RRAGB: variants seen among roughly 807,000 people sequenced by gnomAD.
The protein encoded by RRAGB is ras-related GTP-binding protein B.
In RRAGB, 6 loss-of-function variants were observed where a neutral mutation model predicts 29.3. That is an observed-to-expected ratio of 0.21 (90% CI 0.11 to 0.40). The LOEUF (loss-of-function observed/expected upper bound fraction) is 0.40. Among genes scored for constraint, RRAGB ranks in the 10% least tolerant of loss-of-function variants. RRAGB has a pLI of 1.00. For synonymous variants in RRAGB, 101 were observed against 92.5 expected, an observed-to-expected ratio of 1.09 and a Z score of -0.53; for missense variants, 184 against 272.9, an observed-to-expected ratio of 0.67 and a Z score of 2.29.
chrX:55,722,973 G>A lies in RRAGB; in HGVS notation c.226+688G>A, dbSNP rs191781763. Among the ~76,000 whole-genome samples the A allele has an allele frequency of 3.3e-3, 369 of 110,594 alleles. 3 individuals are homozygous for A. The highest frequency in any genetic ancestry group is 0.012 in the African/African-American group (358 of 30,340). ...CTTGGTCCTTGATTTTTAGGGAAAG[G>A]CCACCCACTACTCTACACATTTCCT... On this transcript the variant is annotated intron_variant, in intron 3 of 9. Coordinates refer to ENST00000374941, the MANE Select transcript of RRAGB (RefSeq NM_006064.5).
At chrX:55,729,065 A>G (rs777314201) in intron 3 of RRAGB, among the ~76,000 whole-genome samples, 6 of 111,171 alleles carry the variant, frequency 5.4e-5, no homozygotes, top group Non-Finnish European at 1.1e-4. Context: ...GTATTAAACT[A>G]CTAAAAAGTG....
chrX:55,720,089 C>T (rs966644607), intron 2 of RRAGB, among the ~76,000 whole-genome samples: 6 of 111,956 alleles, frequency 5.4e-5, no homozygotes, highest in South Asian at 7.4e-4. Context: ...AATTAATAAC[C>T]GAAGGAAATG....
intron 5 of RRAGB, among the ~76,000 whole-genome samples, chrX:55,733,658 T>G (rs967151389): frequency 1.8e-5 from 2 of 112,700 alleles, no homozygotes; most frequent in Non-Finnish European, 3.8e-5. Context: ...GAAGCCCACT[T>G]GATCTTGGTG....
At chrX:55,722,401 C>T in intron 3 of RRAGB, 116 bp downstream of exon 3, 1 of 421,395 alleles carries the variant, frequency 2.4e-6, no homozygotes, top group Non-Finnish European at 4.1e-6. Context: ...TGTTATGGAG[C>T]ATGTTTACCC....
At chrX:55,755,573 G>A (rs1474204527) in intron 7 of RRAGB, 8 of 742,849 alleles carry the variant, frequency 1.1e-5, no homozygotes, top group African/African-American at 2.3e-5. Flanking sequence ...AGTGATTAAA[G>A]TTAGAAAAAA....
At chrX:55,740,338 A>G (rs1479556567) in intron 5 of RRAGB, among the ~76,000 whole-genome samples, 2 of 111,166 alleles carry the variant, frequency 1.8e-5, no homozygotes, top group East Asian at 2.8e-4. Flanking sequence ...AAAAAAAATC[A>G]TTGTGATTTT....
At chrX:55,725,962 A>G (rs1310976235) in intron 3 of RRAGB, among the ~76,000 whole-genome samples, 1 of 110,973 alleles carries the variant, frequency 9.0e-6, no homozygotes, top group Non-Finnish European at 1.9e-5. Flanking sequence ...TCTTGTGATA[A>G]TAGGGTAGGA....
chrX:55,752,565 A>G (rs1002777117), intron 6 of RRAGB, among the ~76,000 whole-genome samples: 1 of 112,009 alleles, frequency 8.9e-6, no homozygotes, highest in Non-Finnish European at 1.9e-5. Context: ...TTCAACAAGC[A>G]CTCTTTACAT....
intron 5 of RRAGB, among the ~76,000 whole-genome samples, chrX:55,739,685 TTC>T (rs1483768349): frequency 9.0e-6 from 1 of 111,492 alleles, no homozygotes; most frequent in African/African-American, 3.3e-5. Flanking sequence ...TGTCTGAAGC[TTC>T]TTTCAGTTTT....
chrX:55,754,799 G>A (rs140044096), intron 7 of RRAGB, among the ~76,000 whole-genome samples: 118 of 111,964 alleles, frequency 1.1e-3, no homozygotes, highest in African/African-American at 3.7e-3. Flanking sequence ...GTATAGATGG[G>A]GCAAGGAGTC....
chrX:55,748,596 C>A (rs1022049692), intron 5 of RRAGB, among the ~76,000 whole-genome samples: 1 of 110,876 alleles, frequency 9.0e-6, no homozygotes, highest in Non-Finnish European at 1.9e-5. Flanking sequence ...TCTGCCCAGC[C>A]GCCCAGTCTG....
intron 5 of RRAGB, among the ~76,000 whole-genome samples, chrX:55,749,552 G>A (rs1315053285): frequency 9.0e-6 from 1 of 111,682 alleles, no homozygotes; most frequent in Non-Finnish European, 1.9e-5. Flanking sequence ...AGCTCATTGA[G>A]AACGGGCCAT....
In RRAGB at chrX:55,750,837, T is replaced by C. The variant is rs762882835; in HGVS notation, c.517-264T>C. Among the ~76,000 whole-genome samples the C allele has an allele frequency of 2.3e-4, 26 of 112,159 alleles. No individual in the cohort carries two copies. In the South Asian group the frequency reaches 9.3e-3, roughly 40 times the overall value. On this transcript the variant is annotated intron_variant, in intron 5 of 9. Transcript: ENST00000374941. ...TTGATGTATTTTATTAAGACTCCTCTGTATGATAAGCTTTATTTATAAACA... is the reference window on the plus strand; with the variant it reads ...TTGATGTATTTTATTAAGACTCCTCCGTATGATAAGCTTTATTTATAAACA...
At chrX:55,732,019 G>A (rs1271984716) in intron 5 of RRAGB, among the ~76,000 whole-genome samples, 5 of 111,939 alleles carry the variant, frequency 4.5e-5, no homozygotes, top group Non-Finnish European at 9.4e-5. Context: ...ACTATGCCAG[G>A]TCCCTCATAA....
chrX:55,718,524 T>G (rs1372298461), intron 1 of RRAGB, 105 bp downstream of exon 1: 3 of 491,139 alleles, frequency 6.1e-6, no homozygotes, highest in Non-Finnish European at 1.0e-5. Context: ...ATAAATTGCT[T>G]TGATTTACCA....
At chrX:55,744,101 A>G (rs1376153008) in intron 5 of RRAGB, among the ~76,000 whole-genome samples, 1 of 110,267 alleles carries the variant, frequency 9.1e-6, no homozygotes, top group Non-Finnish European at 1.9e-5. Context: ...AAGAGAGGGT[A>G]GTATAGGCCG....
chrX:55,735,669 C>T (rs2033842466), intron 5 of RRAGB, among the ~76,000 whole-genome samples: 1 of 112,202 alleles, frequency 8.9e-6, no homozygotes, highest in African/African-American at 3.2e-5. Flanking sequence ...TACCTAGTTG[C>T]TTGGTTTTCT....
intron 6 of RRAGB, 40 bp downstream of exon 6, chrX:55,751,236 G>A (rs1569254982): frequency 9.5e-6 from 7 of 740,058 alleles, no homozygotes; most frequent in Admixed American, 6.1e-5. Context: ...TTAAGAGCAT[G>A]AAAAAAAACC....
intron 7 of RRAGB, chrX:55,755,182 G>A (rs2034627589): frequency 1.3e-6 from 1 of 751,924 alleles, no homozygotes; most frequent in Non-Finnish European, 1.6e-6. Flanking sequence ...TTGTCTCATG[G>A]AATTTCCCTG....
Sources: allele counts gnomAD v4.1 joint callset (sites outside exome capture counted in the v4.1 genomes callset), GRCh38; gene constraint gnomAD v4.1.1; transcripts MANE v1.5; gene names NCBI Gene and HGNC (gene_info 2026-07-23, HGNC 2026-07-21).